The following GCNT1 variants were observed in gnomAD, a reference collection of about 807,000 sequenced individuals.
The protein encoded by GCNT1 is beta-1,3-galactosyl-O-glycosyl-glycoprotein beta-1,6-N-acetylglucosaminyltransferase.
Under a neutral mutation model 26.2 loss-of-function variants are expected in GCNT1, and 16 were observed. The ratio of observed to expected loss-of-function variants is 0.61; its 90% CI spans 0.41 to 0.93. The LOEUF is 0.93. GCNT1 is among the 40% of genes least tolerant of loss of function. The pLI is 0.00. For missense variants in GCNT1, 477 were observed against 526.7 expected (o/e 0.91, Z 0.92); for synonymous variants, 183 against 190.8 (o/e 0.96, Z 0.34).
intron 2 of GCNT1, among the ~76,000 whole-genome samples, chr9:76,493,252 C>G (rs1054957148): frequency 6.6e-6 from 1 of 152,142 alleles, no homozygotes; most frequent in African/African-American, 2.4e-5. Context: ...CAGGGGATGG[C>G]TTGCTGACCG....
At chr9:76,456,440 T>C (rs1823758406), upstream of GCNT1, among the ~76,000 whole-genome samples, 1 of 152,220 alleles carries the variant, frequency 6.6e-6, no homozygotes, top group East Asian at 1.9e-4. Context: ...TAGGTTCTGA[T>C]AACCCCAACA....
intron 2 of GCNT1, among the ~76,000 whole-genome samples, chr9:76,488,300 C>T (rs1452273179): frequency 2.0e-5 from 3 of 152,114 alleles, no homozygotes; most frequent in South Asian, 2.1e-4. Flanking sequence ...ATTTAGTTGA[C>T]GACTTCTTTC....
chr9:76,464,781 T>C (rs765654794), intron 2 of GCNT1, among the ~76,000 whole-genome samples: 3 of 152,224 alleles, frequency 2.0e-5, no homozygotes, highest in African/African-American at 4.8e-5. Context: ...ACTTAAAAAT[T>C]GAATATACTT....
upstream of GCNT1, among the ~76,000 whole-genome samples, chr9:76,419,507 G>A (rs1388368404): frequency 6.6e-6 from 1 of 152,050 alleles, no homozygotes; most frequent in Admixed American, 6.6e-5. Context: ...CCGTCTCTAC[G>A]AAAATTAGCC....
At chr9:76,459,537 C>T (rs888742407) in intron 1 of GCNT1, among the ~76,000 whole-genome samples, 2 of 152,216 alleles carry the variant, frequency 1.3e-5, no homozygotes, top group Non-Finnish European at 2.9e-5. Context: ...GACGCCGGTG[C>T]CCCGTGTCCC....
chr9:76,407,665 A>T, the GCNT1 span, among the ~76,000 whole-genome samples: 1 of 152,076 alleles, frequency 6.6e-6, no homozygotes, highest in Non-Finnish European at 1.5e-5. Context: ...ACTTGCTGGG[A>T]ATTTGGTTGG....
intron 2 of GCNT1, among the ~76,000 whole-genome samples, chr9:76,494,193 C>T (rs1195020648): frequency 2.0e-5 from 3 of 152,120 alleles, no homozygotes; most frequent in Admixed American, 2.0e-4. Flanking sequence ...CGAGGAAGGT[C>T]AGATTTAGTG....
intron 1 of GCNT1, among the ~76,000 whole-genome samples, chr9:76,423,710 A>G (rs1823228308): frequency 6.6e-6 from 1 of 152,226 alleles, no homozygotes; most frequent in Non-Finnish European, 1.5e-5. Flanking sequence ...CTTCCATGAG[A>G]TGGGGATTCA....
the GCNT1 span, among the ~76,000 whole-genome samples, chr9:76,398,373 C>T: frequency 6.6e-6 from 1 of 152,162 alleles, no homozygotes; most frequent in Non-Finnish European, 1.5e-5. Flanking sequence ...TGAGATACTA[C>T]TATATACCAA....
chr9:76,396,828 G>A, the GCNT1 span, among the ~76,000 whole-genome samples: 1 of 152,306 alleles, frequency 6.6e-6, no homozygotes, highest in East Asian at 1.9e-4. Context: ...AACAGAGCGA[G>A]ACTCTGTCTC....
intron 1 of GCNT1, among the ~76,000 whole-genome samples, chr9:76,452,990 CCTGCCTCACA>C (rs1163055059): frequency 2.6e-5 from 4 of 152,238 alleles, no homozygotes; most frequent in African/African-American, 9.6e-5. Flanking sequence ...TACTACAAAG[CCTGCCTCACA>C]CAGCCCCTGC....
chr9:76,500,577 G>A lies in GCNT1; in HGVS notation c.-289-339G>A, dbSNP rs59890367. Among the ~76,000 whole-genome samples, 521 of 152,224 alleles carry A rather than the reference G, an allele frequency of 3.4e-3. 3 individuals are homozygous for A. The highest frequency in any genetic ancestry group is 0.012 in the African/African-American group (497 of 41,540). On this transcript the variant is annotated intron_variant, in intron 2 of 3. Transcript: ENST00000376730. ...TCATTAATTTGCCAGTGAGCATTGG[G>A]AATCTTCACAGTGGGGGAAAGGATA...
chr9:76,487,983 C>T (rs913441237), intron 2 of GCNT1, among the ~76,000 whole-genome samples: 1 of 152,198 alleles, frequency 6.6e-6, no homozygotes, highest in Non-Finnish European at 1.5e-5. Flanking sequence ...ATCCACTCGC[C>T]TCCACCTCCC....
chr9:76,474,983 C>G (rs2131608515), intron 2 of GCNT1, among the ~76,000 whole-genome samples: 1 of 152,292 alleles, frequency 6.6e-6, no homozygotes, highest in African/African-American at 2.4e-5. Context: ...GTTGCCCAGG[C>G]TGGAGTGCAG....
chr9:76,437,821 A>T (rs913026903), upstream of GCNT1, among the ~76,000 whole-genome samples: 1 of 152,192 alleles, frequency 6.6e-6, no homozygotes, highest in Non-Finnish European at 1.5e-5. Flanking sequence ...GGCTATTTTG[A>T]TATAGAGCTT....
chr9:76,413,581 C>G, the GCNT1 span, among the ~76,000 whole-genome samples: 50,855 of 150,604 alleles, frequency 0.34, 9,111 homozygotes, highest in Middle Eastern at 0.4. Flanking sequence ...TGGCTTCTTT[C>G]AAGATATTTC....
At chr9:76,415,002 C>T (rs1459119035), upstream of GCNT1, among the ~76,000 whole-genome samples, 3 of 152,186 alleles carry the variant, frequency 2.0e-5, no homozygotes, top group Admixed American at 1.3e-4. Flanking sequence ...TTAAATGCCT[C>T]TGGCACTATA....
upstream of GCNT1, among the ~76,000 whole-genome samples, chr9:76,456,378 C>A (rs1453811646): frequency 6.6e-6 from 1 of 152,150 alleles, no homozygotes; most frequent in Non-Finnish European, 1.5e-5. Context: ...TGGGTACCGC[C>A]CCCTCCTTTG....
At chr9:76,451,837 A>G (rs1823667586) in intron 1 of GCNT1, among the ~76,000 whole-genome samples, 1 of 152,168 alleles carries the variant, frequency 6.6e-6, no homozygotes, top group Non-Finnish European at 1.5e-5. Context: ...GCTGTCTGTC[A>G]TATACCAGCA....
Sources: gnomAD v4.1 joint callset for allele counts (sites outside exome capture counted in the v4.1 genomes callset) on GRCh38, gnomAD v4.1.1 for gene constraint, MANE v1.5 for transcripts, NCBI Gene and HGNC (gene_info 2026-07-23, HGNC 2026-07-21) for gene names.